LAMB4: variants seen among roughly 807,000 people sequenced by gnomAD.
LAMB4 encodes the protein laminin subunit beta-4.
Under a neutral mutation model 199.2 loss-of-function variants are expected in LAMB4, and 196 were observed. The ratio of observed to expected loss-of-function variants is 0.98; its 90% CI spans 0.88 to 1.11. The LOEUF (loss-of-function observed/expected upper bound fraction) is 1.11. LAMB4 is among the 50% of genes least tolerant of loss of function. LAMB4 has a pLI of 0.00. For missense variants in LAMB4, 2,080 were observed against 2,171.2 expected (o/e 0.96, Z 0.83); for synonymous variants, 744 against 770.6 (o/e 0.97, Z 0.57).
chr7:108,050,182 C>T (rs1488487139), intron 26 of LAMB4, among the ~76,000 whole-genome samples: 5 of 152,202 alleles, frequency 3.3e-5, no homozygotes, highest in Non-Finnish European at 5.9e-5. Context: ...GCAGGATTCA[C>T]CCTGATGCTG....
intron 15 of LAMB4, 85 bp from the exon 16 acceptor site, chr7:108,078,401 G>C: frequency 1.2e-6 from 1 of 858,938 alleles, no homozygotes; most frequent in Non-Finnish European, 1.9e-6. Flanking sequence ...AATGGAAAGT[G>C]CATGGACTTG....
At position 108,030,904 on chromosome 7, in the gene LAMB4, A is replaced by C; in HGVS notation, c.4894T>G (p.Ser1632Ala). 6.2e-7 allele frequency: 1 copy of C among 1,614,134 alleles called. No individual in the cohort carries two copies. Among genetic ancestry groups the C allele is most frequent in the Non-Finnish European group, 8.5e-7 (1 of 1,180,004 alleles). Residue 1632 changes from serine to alanine, a missense_variant, in exon 32 of 34, where the codon TCC becomes GCC. Ser to Ala is a moderately conservative substitution (Grantham distance 99). Coordinates refer to ENST00000388781, the MANE Select transcript of LAMB4 (RefSeq NM_007356.3). ...KQRSGLEDGLSLLQTKLQRHQ... is the reference protein window; with the variant it reads ...KQRSGLEDGLALLQTKLQRHQ... The stretch of plus-strand genomic sequence containing the variant: ...CTTTGCAACTTGGTCTGCAGCAGGG[A>C]AAGTCCATCCTCCAGCCCTGATCGC...
At chr7:108,099,991 A>C (rs2037761595) in intron 10 of LAMB4, among the ~76,000 whole-genome samples, 2 of 152,248 alleles carry the variant, frequency 1.3e-5, no homozygotes, top group Non-Finnish European at 2.9e-5. Flanking sequence ...GCTTCTAGAA[A>C]GAAGGGAACA....
rs755408782 is a variant in LAMB4, at chr7:108,091,767, G to A, written c.1560C>T (p.Pro520=). 1 of 1,613,636 alleles carries A rather than the reference G, an allele frequency of 6.2e-7. No individual in the cohort carries two copies. Among genetic ancestry groups the A allele is most frequent in the Non-Finnish European group, 8.5e-7 (1 of 1,179,948 alleles). Residue 520 remains proline, a synonymous_variant, in exon 14 of 34, where the codon CCC becomes CCT. Coordinates refer to ENST00000388781, the MANE Select transcript of LAMB4 (RefSeq NM_007356.3). The stretch of plus-strand genomic sequence containing the variant: ...GGCGGCATTCACACTGCCCATTCTT[G>A]GGTGAGCACCTGAGGAAAAAGCAAT... ...IGGAYSNVCS[P]KNGQCECRPH...
rs779543313 is a variant in LAMB4, at chr7:108,055,966, C to A, written c.3421G>T (p.Asp1141Tyr). Residue 1141 changes from aspartate to tyrosine, a missense_variant, in exon 25 of 34, where the codon GAT becomes TAT. Transcript: ENST00000388781. ...CAGCGGCACATGCCTGTGTCTGGAT[C>A]ACAGATGGGCTTCTGGGTACCTGCC... ...NRAGTQKPIC[D>Y]PDTGMCRCRE... The A allele has an allele frequency of 1.2e-6, 2 of 1,613,882 alleles. No homozygotes were observed. Among genetic ancestry groups the A allele is most frequent in the Non-Finnish European group, 1.7e-6 (2 of 1,179,920 alleles).
chr7:108,123,666 A>G (rs1410018095), intron 1 of LAMB4, among the ~76,000 whole-genome samples: 1 of 152,180 alleles, frequency 6.6e-6, no homozygotes, highest in East Asian at 1.9e-4. Flanking sequence ...GACACTGGGG[A>G]TGGAGGGAGG....
At chr7:108,013,616 C>T in the LAMB4 span, among the ~76,000 whole-genome samples, 1 of 152,140 alleles carries the variant, frequency 6.6e-6, no homozygotes, top group African/African-American at 2.4e-5. Context: ...CGTAATGAGG[C>T]TCATGAGGAC....
intron 15 of LAMB4, 76 bp from the exon 16 acceptor site, chr7:108,078,392 A>T: frequency 1.1e-6 from 1 of 909,610 alleles, no homozygotes; most frequent in South Asian, 1.5e-5. Context: ...CATATAGCTA[A>T]TGGAAAGTGC....
At chr7:108,104,474 A>C (rs1203349922) in intron 9 of LAMB4, 25 bp downstream of exon 9, 2 of 1,613,442 alleles carry the variant, frequency 1.2e-6, no homozygotes, top group Non-Finnish European at 1.7e-6. Flanking sequence ...CACTCAGTCT[A>C]TGCAGGGAAC....
rs1338752683 is a variant in LAMB4 at position 108,029,215 on chromosome 7, G to T, written c.4993-19C>A. On this transcript the variant is annotated intron_variant, in intron 32 of 33. Transcript: ENST00000388781. ...CAAATTCCTGTAACAAGCAACACTT[G>T]CATCATGAGAAAATATGTATAAAGC... 2.5e-6 allele frequency: 4 copies of T among 1,605,298 alleles called. No individual in the cohort carries two copies. The highest frequency in any genetic ancestry group is 3.4e-6 in the Non-Finnish European group (4 of 1,175,986).
chr7:108,113,246 G>A (rs1472068408), intron 3 of LAMB4, among the ~76,000 whole-genome samples: 1 of 152,044 alleles, frequency 6.6e-6, no homozygotes, highest in African/African-American at 2.4e-5. Context: ...ACAGTTGTTG[G>A]TTTATTGTCT....
intron 1 of LAMB4, among the ~76,000 whole-genome samples, chr7:108,128,217 C>CATACA (rs2038862266): frequency 6.6e-6 from 1 of 152,090 alleles, no homozygotes; most frequent in African/African-American, 2.4e-5. Flanking sequence ...TTACATACAG[C>CATACA]CATGGGTCTG....
chr7:108,107,191 G>A (rs2038050885), intron 6 of LAMB4, among the ~76,000 whole-genome samples: 1 of 152,158 alleles, frequency 6.6e-6, no homozygotes, highest in Admixed American at 6.5e-5. Flanking sequence ...TGGCAAAATA[G>A]TGCCTGTTCA....
intron 15 of LAMB4, 65 bp from the exon 16 acceptor site, chr7:108,078,381 A>G (rs2036789575): frequency 1.0e-6 from 1 of 975,940 alleles, no homozygotes; most frequent in East Asian, 2.6e-5. Flanking sequence ...GCACGTACAC[A>G]CATATAGCTA....
chr7:108,055,388 T>C (rs1411726225), intron 25 of LAMB4, among the ~76,000 whole-genome samples: 1 of 152,130 alleles, frequency 6.6e-6, no homozygotes, highest in African/African-American at 2.4e-5. Flanking sequence ...GGTTTCTCCA[T>C]GTTGGCCAGG....
intron 2 of LAMB4, among the ~76,000 whole-genome samples, chr7:108,118,914 A>G (rs1444036977): frequency 6.6e-6 from 1 of 152,250 alleles, no homozygotes; most frequent in African/African-American, 2.4e-5. Context: ...TCTTGTACTT[A>G]CAATTTAATA....
At chr7:108,124,309 T>C (rs2038702348) in intron 1 of LAMB4, among the ~76,000 whole-genome samples, 1 of 152,250 alleles carries the variant, frequency 6.6e-6, no homozygotes, top group Non-Finnish European at 1.5e-5. Flanking sequence ...TATTGGTTGA[T>C]GTGTACTTGG....
chr7:108,090,395 T>A (rs888714556), intron 14 of LAMB4, among the ~76,000 whole-genome samples: 1 of 152,192 alleles, frequency 6.6e-6, no homozygotes, highest in Non-Finnish European at 1.5e-5. Context: ...TTTTCTAACT[T>A]GTTAAGAAAA....
At chr7:108,035,546 G>GAAA (rs71137604) in intron 30 of LAMB4, among the ~76,000 whole-genome samples, 1 of 108,000 alleles carries the variant, frequency 9.3e-6, no homozygotes, top group Non-Finnish European at 1.8e-5. Flanking sequence ...TGTCTCAAAA[G>GAAA]AAAAAAAAAA....
Sources: gnomAD v4.1 joint callset for allele counts (sites outside exome capture counted in the v4.1 genomes callset) on GRCh38, gnomAD v4.1.1 for gene constraint, MANE v1.5 for transcripts, NCBI Gene and HGNC (gene_info 2026-07-23, HGNC 2026-07-21) for gene names.